Variants in OTULIN observed in about 807,000 individuals in gnomAD.
The protein encoded by OTULIN is OTU deubiquitinase with linear linkage specificity.
A neutral mutation model predicts 39.6 loss-of-function variants in OTULIN; 15 were observed. The observed-to-expected ratio is 0.38, with a 90% confidence interval of 0.25 to 0.58. The LOEUF (loss-of-function observed/expected upper bound fraction) is 0.58. Ranked by LOEUF, OTULIN falls within the 20% of genes least tolerant of loss-of-function variation. The probability of loss-of-function intolerance (pLI) is 0.66; values close to 1 mark genes in which losing one functional copy is unlikely to be tolerated. For missense variants in OTULIN, 319 were observed against 445.9 expected (o/e 0.72, Z 2.56); for synonymous variants, 156 against 170.3 (o/e 0.92, Z 0.65).
chr5:14,700,077 A>G (rs930899386), downstream of OTULIN, among the ~76,000 whole-genome samples: 11 of 152,186 alleles, frequency 7.2e-5, no homozygotes, highest in African/African-American at 2.7e-4. Flanking sequence ...GCGTTTCTTG[A>G]GAAAGGCTGA....
the OTULIN span, chr5:14,710,913 C>A: frequency 2.4e-6 from 1 of 418,588 alleles, no homozygotes; most frequent in Non-Finnish European, 4.5e-6. Context: ...CAACGTCAAC[C>A]GTGAGGCAGC....
At chr5:14,691,612 T>TC (rs1375209379) in intron 6 of OTULIN, among the ~76,000 whole-genome samples, 2 of 152,020 alleles carry the variant, frequency 1.3e-5, no homozygotes, top group African/African-American at 4.8e-5. Context: ...TTTTTTTTTT[T>TC]CAATAAGAAA....
At chr5:14,713,780 C>G in the OTULIN span, 2 of 1,498,774 alleles carry the variant, frequency 1.3e-6, no homozygotes, top group Non-Finnish European at 1.8e-6. The surrounding 1 kb of genome is among the most constrained non-coding windows in gnomAD (Gnocchi z 4.4). Flanking sequence ...GGACCCTGGC[C>G]TTGCTGTTGA....
chr5:14,691,099 A>G (rs1736514030), intron 6 of OTULIN, among the ~76,000 whole-genome samples: 1 of 152,236 alleles, frequency 6.6e-6, no homozygotes, highest in African/African-American at 2.4e-5. Context: ...TCTCTAAGCC[A>G]ATATAGTTGA....
rs1390631012 is a variant in OTULIN at position 14,698,590 on chromosome 5, T to G, written c.*5542T>G. On this transcript the variant is annotated 3_prime_UTR_variant, in exon 7 of 7. Transcript: ENST00000284274. ...TAAAAACAAATAACTAAAAATAAAC[T>G]TAGAAAATACAACTCAGAAGCCTGG... The G allele has an allele frequency of 6.6e-6, 1 of 152,166 alleles. No homozygotes were observed. Among genetic ancestry groups the G allele is most frequent in the Non-Finnish European group, 1.5e-5 (1 of 68,038 alleles). The allele number at this position is 152,166 out of a possible 1,614,324, so 9.4% of individuals were successfully genotyped here.
the OTULIN span, chr5:14,706,649 T>C: frequency 1.3e-5 from 2 of 152,318 alleles, no homozygotes; most frequent in East Asian, 3.9e-4. Flanking sequence ...TTTTAGACAT[T>C]TTGCCTTTAA....
the OTULIN span, chr5:14,713,703 C>A: frequency 6.2e-7 from 1 of 1,612,350 alleles, no homozygotes; most frequent in African/African-American, 1.3e-5. The surrounding 1 kb of genome is among the most constrained non-coding windows in gnomAD (Gnocchi z 4.4). Context: ...CAGCCGTGCC[C>A]GCCATCCACT....
intron 4 of OTULIN, among the ~76,000 whole-genome samples, chr5:14,684,018 A>C (rs1268604542): frequency 6.6e-6 from 1 of 152,188 alleles, no homozygotes; most frequent in Non-Finnish European, 1.5e-5. Flanking sequence ...TTTCTGACTT[A>C]ATTTGAGTAA....
rs1285122539 is a variant in OTULIN, at chr5:14,664,890, C to A, written c.65C>A (p.Ala22Glu). ...GGCGCGAGCTGCGCCGAGACGCCGG[C>A]GCGGGAGGCGGCGGCCACGGCGCGG... ...WPGASCAETP[A>E]REAAATARDG... The change falls in exon 1 of 7, where the codon GCG becomes GAG. Residue 22 changes from alanine (A) to glutamate (E), a missense_variant. Around this residue, in one of 4 missense-constraint regions of OTULIN, gnomAD observed 132 missense variants for 143.7 expected, o/e 0.92. Transcript: ENST00000284274. 4 of 1,170,046 alleles carry A rather than the reference C, an allele frequency of 3.4e-6. No individual in the cohort carries two copies. Among genetic ancestry groups the A allele is most frequent in the Non-Finnish European group, 4.2e-6 (4 of 956,870 alleles). The allele number at this position is 1,170,046 out of a possible 1,614,324, so 72.5% of individuals were successfully genotyped here.
At chr5:14,703,344 AAAAAAAAAAAAAAAAAAAACTT>A, downstream of OTULIN, among the ~76,000 whole-genome samples, 1 of 10,956 alleles carries the variant, frequency 9.1e-5, no homozygotes, top group African/African-American at 1.6e-4. Context: ...AAAAAAAAAA[AAAAAAAAAAAAAAAAAAAACTT>A]AGAAGGAGGC....
the OTULIN span, chr5:14,711,078 T>C: frequency 1.1e-6 from 1 of 902,632 alleles, no homozygotes; most frequent in Non-Finnish European, 1.8e-6. Context: ...AATCAAGGCC[T>C]CTTTCATTAC....
downstream of OTULIN, among the ~76,000 whole-genome samples, chr5:14,702,337 C>T (rs1187933645): frequency 6.6e-6 from 1 of 152,104 alleles, no homozygotes; most frequent in Non-Finnish European, 1.5e-5. Flanking sequence ...CTGGATACAC[C>T]CAGTGACTGG....
chr5:14,676,298 C>T lies in OTULIN; in HGVS notation c.230-2383C>T, dbSNP rs79980757. ...AAATGTCCTTTTTTGAAAACAGCAG[C>T]GTCTGTGTAGTTTGCAACTAAAGAA... On this transcript the variant is annotated intron_variant, in intron 2 of 6. Transcript: ENST00000284274. 5.9e-3 allele frequency among the ~76,000 whole-genome samples: 906 copies of T among 152,290 alleles called. 3 individuals carry two copies. The highest frequency in any genetic ancestry group is 0.02 in the African/African-American group (847 of 41,556).
the OTULIN span, chr5:14,711,098 A>C: frequency 8.9e-7 from 1 of 1,121,950 alleles, no homozygotes; most frequent in African/African-American, 1.5e-5. Context: ...CCAAAACAAA[A>C]CAAAAAAAAG....
rs1288041461 is a variant in OTULIN at position 14,690,486 on chromosome 5, T to G, written c.864+178T>G. Among the ~76,000 whole-genome samples the G allele has an allele frequency of 6.6e-6, 1 of 152,168 alleles. No individual in the cohort carries two copies. Among genetic ancestry groups the G allele is most frequent in the African/African-American group, 2.4e-5 (1 of 41,434 alleles). On this transcript the variant is annotated intron_variant, in intron 6 of 6. Transcript: ENST00000284274. This position sits in a 1 kb window ranked among gnomAD's most constrained non-coding sequence, Gnocchi z 4.5. ...GGCTGCAGTCATCTGAAGGCTTGAC[T>G]GGGGCTGGAAGATCTACTTCCAGTG...
At chr5:14,700,314 G>C (rs1736770807), downstream of OTULIN, among the ~76,000 whole-genome samples, 1 of 152,186 alleles carries the variant, frequency 6.6e-6, no homozygotes, top group South Asian at 2.1e-4. Context: ...AGTTCACAAA[G>C]GGTTTGGCCT....
rs541248431 is a variant in OTULIN at position 14,671,768 on chromosome 5, AAAAG to A, written c.153-1870_153-1867del. 1.6e-4 allele frequency among the ~76,000 whole-genome samples: 24 copies of A among 152,352 alleles called. No homozygotes were observed. The East Asian group carries it at 4.2e-3, about 27-fold the overall frequency. ...ACACAGTTACACATTTAGAGAGAAA[AAAAG>A]AAATAAAAATTGATAATTGGTCAGA... On this transcript the variant is annotated intron_variant, in intron 1 of 6. Coordinates refer to ENST00000284274, the MANE Select transcript of OTULIN (RefSeq NM_138348.6).
At position 14,692,781 on chromosome 5, in the gene OTULIN, G is replaced by A. The variant is rs542918093; in HGVS notation, c.865-73G>A. The A allele has an allele frequency of 7.7e-5, 105 of 1,358,480 alleles. No individual in the cohort carries two copies. In the African/African-American group the frequency reaches 1.5e-3, roughly 19 times the overall value. 84.2% of individuals were successfully genotyped at this position (1,358,480 alleles called of 1,614,324 possible). On this transcript the variant is annotated intron_variant, in intron 6 of 6. Coordinates refer to ENST00000284274, the MANE Select transcript of OTULIN (RefSeq NM_138348.6). ...CCATTGCTGTGCACTGTGGGATAAT[G>A]GATGGAACATGGTGTTAAGCCACGT...
At chr5:14,664,998 G>T in intron 1 of OTULIN, 21 bp downstream of exon 1, 1 of 1,042,896 alleles carries the variant, frequency 9.6e-7, no homozygotes, top group Non-Finnish European at 1.2e-6. Context: ...GGGGGCGCGG[G>T]GCGCGGGCCG....
Sources: gnomAD v4.1 joint callset for allele counts (sites outside exome capture counted in the v4.1 genomes callset) on GRCh38, gnomAD v4.1.1 for gene constraint, gnomAD v4.1.1 regional missense constraint, Gnocchi (gnomAD v3.1) non-coding constraint, MANE v1.5 for transcripts, NCBI Gene and HGNC (gene_info 2026-07-23, HGNC 2026-07-21) for gene names.